COG4: variants seen among roughly 807,000 people sequenced by gnomAD.
COG4 encodes the protein component of oligomeric golgi complex 4, also known as conserved oligomeric Golgi complex subunit 4.
A neutral mutation model predicts 95.1 loss-of-function variants in COG4; 65 were observed. The observed-to-expected ratio is 0.68, with a 90% CI of 0.56 to 0.84. The LOEUF is 0.84. COG4 is among the 40% of genes least tolerant of loss of function. The pLI is 0.00. For synonymous variants in COG4, 421 were observed against 374.8 expected (o/e 1.12, Z -1.42); for missense variants, 1,045 against 989.1 (o/e 1.06, Z -0.76).
intron 13 of COG4, among the ~76,000 whole-genome samples, chr16:70,486,476 A>G (rs1393301686): frequency 6.6e-6 from 1 of 152,170 alleles, no homozygotes; most frequent in Non-Finnish European, 1.5e-5. Context: ...ATGCCACCTG[A>G]TCTGCCTATC....
chr16:70,489,410 G>C (rs1240091891), intron 13 of COG4, among the ~76,000 whole-genome samples: 2 of 151,154 alleles, frequency 1.3e-5, no homozygotes, highest in Non-Finnish European at 2.9e-5. Context: ...GTAGAGATGG[G>C]GTTTCACCAT....
intron 5 of COG4, among the ~76,000 whole-genome samples, chr16:70,510,740 T>TA (rs921539223): frequency 2.0e-5 from 3 of 150,344 alleles, no homozygotes; most frequent in Non-Finnish European, 4.4e-5. Flanking sequence ...AGTATACTGA[T>TA]AAAAAAAGTA....
rs1472230754 is a variant in COG4, at chr16:70,483,788, C to A, written c.1827+65G>T. 4.8e-5 allele frequency: 61 copies of A among 1,271,204 alleles called. 1 individual carries two copies. The highest frequency in any genetic ancestry group is 4.5e-4 in the South Asian group (38 of 84,132). 78.7% of individuals were successfully genotyped at this position (1,271,204 alleles called of 1,614,324 possible). ...GGCTTCCTTGCACACGATGAGCCAG[C>A]TAACAATCTTCTCAGAGCAACACAC... On this transcript the variant is annotated intron_variant, in intron 14 of 18. Coordinates refer to ENST00000323786, the MANE Select transcript of COG4 (RefSeq NM_015386.3).
At chr16:70,483,779 A>G (rs2049064059) in intron 14 of COG4, 74 bp downstream of exon 14, 1 of 1,195,112 alleles carries the variant, frequency 8.4e-7, no homozygotes, top group South Asian at 1.2e-5. Flanking sequence ...CTTGCACACG[A>G]TGAGCCAGCT....
At chr16:70,493,121 C>T (rs1353315240) in intron 12 of COG4, among the ~76,000 whole-genome samples, 3 of 152,262 alleles carry the variant, frequency 2.0e-5, no homozygotes, top group Admixed American at 6.5e-5. Flanking sequence ...ATAATTCTGA[C>T]AGGAGATGAA....
intron 16 of COG4, 94 bp from the exon 17 acceptor site, chr16:70,481,959 C>CG: frequency 1.5e-6 from 2 of 1,365,104 alleles, no homozygotes; most frequent in Admixed American, 3.6e-5. Context: ...CGTGAGGCCA[C>CG]GGGGGAGTTT....
chr16:70,505,427 T>C (rs552330867), intron 8 of COG4, among the ~76,000 whole-genome samples: 15 of 150,876 alleles, frequency 9.9e-5, no homozygotes, highest in African/African-American at 3.6e-4. Flanking sequence ...TGGTCTTGAT[T>C]TCCTGACCTC....
rs1187476137 is a variant in COG4, at chr16:70,519,220, C to T, written c.254+429G>A. 1.4e-3 allele frequency among the ~76,000 whole-genome samples: 63 copies of T among 45,654 alleles called. 16 individuals carry two copies. The highest frequency in any genetic ancestry group is 9.0e-3 in the Admixed American group (45 of 4,988). 30.0% of individuals were successfully genotyped at this position (45,654 alleles called of 152,430 possible). A position where few individuals can be genotyped will look rare whatever the true frequency, so the allele number is the denominator to read the frequency against. ...CGGCTCATTGCAAGCTCCGCTTCCC[C>T]GGGTTCACGCCATTCTCCTGCCTCA... is the stretch of plus-strand genomic sequence containing the variant. On this transcript the variant is annotated intron_variant, in intron 2 of 18. Coordinates refer to ENST00000323786, the MANE Select transcript of COG4 (RefSeq NM_015386.3).
At chr16:70,490,260 T>C in intron 13 of COG4, 70 bp downstream of exon 13, 3 of 1,259,416 alleles carry the variant, frequency 2.4e-6, no homozygotes, top group Non-Finnish European at 3.5e-6. Context: ...CACCATGATG[T>C]TTGTATAGGG....
At position 70,481,833 on chromosome 16, in the gene COG4, T is replaced by C. The variant is rs2049001527; in HGVS notation, c.2037A>G (p.Leu679=). ...ASLSPVIYDS[L]TGLMTSLVAV... Reference sequence around the variant, plus strand: ...CAACAAGGCTAGTCATGAGGCCGGTTAGGCTGTCGTAGATGACCGGGGACA... The same window carrying C: ...CAACAAGGCTAGTCATGAGGCCGGTCAGGCTGTCGTAGATGACCGGGGACA... The change falls in exon 17 of 19, where the codon CTA becomes CTG. Residue 679 remains leucine, a synonymous_variant. Coordinates refer to ENST00000323786, the MANE Select transcript of COG4 (RefSeq NM_015386.3). The C allele has an allele frequency of 6.2e-7, 1 of 1,613,994 alleles. No individual in the cohort carries two copies. Among genetic ancestry groups the C allele is most frequent in the Non-Finnish European group, 8.5e-7 (1 of 1,179,994 alleles).
chr16:70,508,685 A>G, intron 7 of COG4: 1 of 663,924 alleles, frequency 1.5e-6, no homozygotes, highest in Non-Finnish European at 2.8e-6. Context: ...TGTGCTTAAA[A>G]GTCATGCTAA....
At position 70,509,936 on chromosome 16, in the gene COG4, G is replaced by A. The variant is rs575492850; in HGVS notation, c.824C>T (p.Thr275Ile). 1.9e-6 allele frequency: 3 copies of A among 1,613,648 alleles called. No individual in the cohort carries two copies. The highest frequency in any genetic ancestry group is 2.5e-6 in the Non-Finnish European group (3 of 1,179,620). The change falls in exon 6 of 19, where the codon ACA becomes ATA. Residue 275 changes from threonine (T) to isoleucine (I), a missense_variant. Thr to Ile is a moderately conservative substitution (Grantham distance 89, BLOSUM62 -1). Coordinates refer to ENST00000323786, the MANE Select transcript of COG4 (RefSeq NM_015386.3). ...CTCACCTTCAAACAGAAGAGTAAGT[G>A]TATCTGCAAAGATGACTGCAGCTCT... The part of the protein sequence containing the change: ...DRRAAVIFAD[T>I]LTLLFEGIAR...
chr16:70,503,916 C>T (rs1597675600), intron 8 of COG4, among the ~76,000 whole-genome samples: 1 of 152,198 alleles, frequency 6.6e-6, no homozygotes, highest in Admixed American at 6.5e-5. Context: ...CTCTTAAGGT[C>T]TCAGATCTAA....
In COG4 at chr16:70,510,029, A is replaced by T; in HGVS notation, c.739-8T>A. 6.2e-7 allele frequency: 1 copy of T among 1,610,782 alleles called. No individual in the cohort carries two copies. Among genetic ancestry groups the T allele is most frequent in the South Asian group, 1.1e-5 (1 of 91,010 alleles). On this transcript the variant is annotated splice_polypyrimidine_tract_variant and splice_region_variant and intron_variant, in intron 5 of 18. Transcript: ENST00000323786. ...CTCAGCTTTACTGGCCACCTAAAAA[A>T]GGAGAAAACCCACACACATTCCTCA...
chr16:70,496,254 T>C lies in COG4; in HGVS notation c.1647+12A>G. 1 of 1,614,062 alleles carries C rather than the reference T, an allele frequency of 6.2e-7. No individual in the cohort carries two copies. The highest frequency in any genetic ancestry group is 8.5e-7 in the Non-Finnish European group (1 of 1,179,952). On this transcript the variant is annotated intron_variant, in intron 12 of 18. Transcript: ENST00000323786. Reference sequence around the variant, plus strand: ...ATAAACCAACCCAGCTCGTGAGCTGTGGGGTACCTACCAGGAAGGACATCT... The same window carrying C: ...ATAAACCAACCCAGCTCGTGAGCTGCGGGGTACCTACCAGGAAGGACATCT...
intron 5 of COG4, among the ~76,000 whole-genome samples, chr16:70,511,214 C>T (rs917580148): frequency 6.6e-6 from 1 of 152,172 alleles, no homozygotes; most frequent in African/African-American, 2.4e-5. Flanking sequence ...CCATTGTTAA[C>T]CCTTCCAAAA....
chr16:70,480,717 TGACCA>T lies in COG4; in HGVS notation c.*288_*292del. 1 of 462,044 alleles carries T rather than the reference TGACCA, an allele frequency of 2.2e-6. No individual in the cohort carries two copies. The highest frequency in any genetic ancestry group is 4.0e-6 in the Non-Finnish European group (1 of 251,256). 28.6% of individuals were successfully genotyped at this position (462,044 alleles called of 1,614,324 possible). On this transcript the variant is annotated 3_prime_UTR_variant, in exon 19 of 19. Transcript: ENST00000323786. ...GCTGTAGTGTTTGAGGGCAAGAGAC[TGACCA>T]TCCATGCAGAAAGCTGGCCTGGGCT...
chr16:70,483,713 C>T (rs2049062216), intron 14 of COG4, 140 bp downstream of exon 14: 1 of 776,276 alleles, frequency 1.3e-6, no homozygotes, highest in Admixed American at 1.7e-5. Context: ...AAGGGACCTG[C>T]ACAACTCCAG....
At chr16:70,494,643 G>A (rs2049305067) in intron 12 of COG4, among the ~76,000 whole-genome samples, 1 of 152,150 alleles carries the variant, frequency 6.6e-6, no homozygotes, top group South Asian at 2.1e-4. Context: ...GGTGGTATGG[G>A]TTAGAGTTAG....
Sources: gnomAD v4.1 joint callset for allele counts (sites outside exome capture counted in the v4.1 genomes callset) on GRCh38, gnomAD v4.1.1 for gene constraint, MANE v1.5 for transcripts, NCBI Gene and HGNC (gene_info 2026-07-23, HGNC 2026-07-21) for gene names.